The following TTC7A variants were observed in gnomAD, a reference collection of about 807,000 sequenced individuals.
The protein encoded by TTC7A is tetratricopeptide repeat protein 7A.
Under a neutral mutation model 103.7 loss-of-function variants are expected in TTC7A, and 110 were observed. That is an observed-to-expected ratio of 1.06 (90% confidence interval 0.91 to 1.24). The LOEUF is 1.24. TTC7A is among the 50% of genes most tolerant of loss of function. The pLI, the probability that TTC7A is intolerant of heterozygous loss-of-function variation, is 0.00. For missense variants in TTC7A, 1,340 were observed against 1,116.3 expected (o/e 1.20, Z -2.86); for synonymous variants, 521 against 467.9 (o/e 1.11, Z -1.47).
intron 2 of TTC7A, among the ~76,000 whole-genome samples, chr2:46,953,733 G>T (rs1053263502): frequency 2.0e-5 from 3 of 152,128 alleles, no homozygotes; most frequent in Non-Finnish European, 4.4e-5. Context: ...ACTAGGTTGA[G>T]GCTTTGCACC....
chr2:46,993,997 A>AG (rs1241025724), intron 6 of TTC7A, among the ~76,000 whole-genome samples: 1 of 152,120 alleles, frequency 6.6e-6, no homozygotes, highest in Non-Finnish European at 1.5e-5. Context: ...AGAGAGAGAG[A>AG]GCTGCCCATG....
intron 16 of TTC7A, among the ~76,000 whole-genome samples, chr2:47,048,657 C>T (rs933557206): frequency 1.3e-5 from 2 of 152,132 alleles, no homozygotes; most frequent in African/African-American, 2.4e-5. Context: ...GGCTGGAGTT[C>T]AGTGGCAGGA....
intron 19 of TTC7A, among the ~76,000 whole-genome samples, chr2:47,071,936 G>A (rs1018341699): frequency 3.9e-5 from 6 of 152,224 alleles, no homozygotes; most frequent in African/African-American, 9.6e-5. Context: ...AGGCCTTGCC[G>A]GCCTTTCCCT....
At chr2:46,966,578 C>G (rs961884273) in intron 3 of TTC7A, among the ~76,000 whole-genome samples, 4 of 141,618 alleles carry the variant, frequency 2.8e-5, no homozygotes, top group African/African-American at 5.0e-5. Flanking sequence ...GTCATTGGAC[C>G]TGTATGCTAA....
At chr2:47,014,646 A>T (rs144046135) in intron 11 of TTC7A, among the ~76,000 whole-genome samples, 1 of 152,266 alleles carries the variant, frequency 6.6e-6, no homozygotes, top group Non-Finnish European at 1.5e-5. Flanking sequence ...CAGGGCACAG[A>T]TCCCAAAAGG....
intron 2 of TTC7A, among the ~76,000 whole-genome samples, chr2:46,919,286 G>A (rs1217465846): frequency 6.6e-6 from 1 of 152,238 alleles, no homozygotes; most frequent in African/African-American, 2.4e-5. Context: ...TGTAATCCCA[G>A]CACTTTGGGA....
At position 46,941,846 on chromosome 2, in the gene TTC7A, T is replaced by C. The variant is rs1443663291; in HGVS notation, c.184+121T>C. ...GGCGCCTGCCAGCCCACCGTGCTAG[T>C]CTTAAGAGCAGCCAGGGCAGTTAGG... On this transcript the variant is annotated intron_variant, in intron 1 of 19. Transcript: ENST00000319190. This position sits in a 1 kb window ranked among gnomAD's most constrained non-coding sequence, Gnocchi z 4.2. The C allele has an allele frequency of 1.5e-6, 2 of 1,294,664 alleles. No individual in the cohort carries two copies. The highest frequency in any genetic ancestry group is 1.1e-6 in the Non-Finnish European group (1 of 936,630). 80.2% of individuals were successfully genotyped at this position (1,294,664 alleles called of 1,614,324 possible).
chr2:46,991,651 A>T (rs1465446593), intron 5 of TTC7A, among the ~76,000 whole-genome samples: 1 of 152,184 alleles, frequency 6.6e-6, no homozygotes, highest in Non-Finnish European at 1.5e-5. Context: ...CGACATAAAT[A>T]ATAATACCGG....
intron 5 of TTC7A, among the ~76,000 whole-genome samples, chr2:46,987,586 A>G (rs1442677960): frequency 1.3e-5 from 2 of 152,158 alleles, no homozygotes; most frequent in Admixed American, 6.5e-5. Context: ...GGCAGCACCT[A>G]TTCTTTGCTC....
chr2:46,994,084 G>GA (rs1675904132), intron 6 of TTC7A: 5 of 448,968 alleles, frequency 1.1e-5, no homozygotes, highest in Non-Finnish European at 1.2e-5. Flanking sequence ...CAAGGGGTCA[G>GA]GAGAGGGAGG....
At position 47,075,026 on chromosome 2, in the gene TTC7A, G is replaced by A. The variant is rs1685106435; in HGVS notation, c.*1103G>A. On this transcript the variant is annotated 3_prime_UTR_variant, in exon 20 of 20. Transcript: ENST00000319190. ...CTGCACTTTGGGTTTTAGTTTCAAA[G>A]CTCCATCAGGTACAGCTTGCATTTC... 6.6e-6 allele frequency: 1 copy of A among 152,264 alleles called. No individual in the cohort carries two copies. The highest frequency in any genetic ancestry group is 1.5e-5 in the Non-Finnish European group (1 of 68,060). 9.4% of individuals were successfully genotyped at this position (152,264 alleles called of 1,614,324 possible).
chr2:46,917,391 C>T, intron 2 of TTC7A: 1 of 577,118 alleles, frequency 1.7e-6, no homozygotes, highest in Non-Finnish European at 3.1e-6. Flanking sequence ...CTAGTTCCTC[C>T]TTCTACCCTG....
chr2:46,920,780 A>T (rs1345205305), intron 2 of TTC7A, among the ~76,000 whole-genome samples: 1 of 152,082 alleles, frequency 6.6e-6, no homozygotes, highest in Non-Finnish European at 1.5e-5. Context: ...GATGAATTTT[A>T]TGTGGCAAAC....
intron 3 of TTC7A, among the ~76,000 whole-genome samples, chr2:46,970,930 G>A (rs773537600): frequency 6.6e-6 from 1 of 152,232 alleles, no homozygotes; most frequent in Non-Finnish European, 1.5e-5. Context: ...CAAGGCAACC[G>A]AACTTTGGAT....
intron 8 of TTC7A, among the ~76,000 whole-genome samples, chr2:46,997,826 A>T (rs1309047695): frequency 6.6e-6 from 1 of 151,954 alleles, no homozygotes; most frequent in Non-Finnish European, 1.5e-5. Context: ...TTCCCAAGTC[A>T]TTTTCTGTAG....
chr2:46,929,164 A>C (rs1389852722), intron 2 of TTC7A, among the ~76,000 whole-genome samples: 2 of 151,184 alleles, frequency 1.3e-5, no homozygotes, highest in Non-Finnish European at 2.9e-5. Flanking sequence ...ACTCTGTCCC[A>C]AAAAAAGAAA....
chr2:46,973,187 G>A (rs1158384619), intron 3 of TTC7A, among the ~76,000 whole-genome samples: 1 of 152,182 alleles, frequency 6.6e-6, no homozygotes, highest in East Asian at 1.9e-4. Flanking sequence ...GGAGCAGAAT[G>A]GAGCCCCTGA....
Position 47,073,883 on chromosome 2 carries a change from G to T in TTC7A, c.2537G>T (p.Ser846Ile). The change falls in exon 20 of 20, where the codon AGC becomes ATC. Residue 846 changes from serine (S) to isoleucine (I), a missense_variant. By Grantham distance (142) the Ser-to-Ile change is moderately radical (BLOSUM62 -2). Coordinates refer to ENST00000319190, the MANE Select transcript of TTC7A (RefSeq NM_020458.4). Reference protein sequence around the residue: ...FLTALELEASSPVLPFSIIPR... With the variant: ...FLTALELEASIPVLPFSIIPR... The stretch of plus-strand genomic sequence containing the variant: ...ACCGCCCTTGAGCTGGAGGCCAGCA[G>T]CCCTGTACTGCCCTTCTCCATCATC... 1 of 1,613,286 alleles carries T rather than the reference G, an allele frequency of 6.2e-7. No homozygotes were observed.
chr2:47,021,050 G>A (rs1679226384), intron 11 of TTC7A, among the ~76,000 whole-genome samples: 1 of 152,236 alleles, frequency 6.6e-6, no homozygotes, highest in Non-Finnish European at 1.5e-5. Flanking sequence ...TGCTGTGGGT[G>A]GGTCAGTGCC....
Sources: allele counts gnomAD v4.1 joint callset (sites outside exome capture counted in the v4.1 genomes callset), GRCh38; gene constraint gnomAD v4.1.1; non-coding constraint Gnocchi (gnomAD v3.1); transcripts MANE v1.5; gene names NCBI Gene and HGNC (gene_info 2026-07-23, HGNC 2026-07-21).